Variants in ADGRL3 observed in about 807,000 individuals in gnomAD.
ADGRL3 encodes the protein adhesion G protein-coupled receptor L3.
A neutral mutation model predicts 153.5 loss-of-function variants in ADGRL3; 62 were observed. The ratio of observed to expected loss-of-function variants is 0.40; its 90% CI spans 0.33 to 0.50. ADGRL3 has a LOEUF of 0.50. ADGRL3 is among the 20% of genes least tolerant of loss of function. ADGRL3 has a pLI of 0.47. For missense variants in ADGRL3, 1,641 were observed against 1,859.4 expected (o/e 0.88, Z 2.16); for synonymous variants, 710 against 672.5 (o/e 1.06, Z -0.86).
At chr4:62,007,379 T>TAC (rs1362777225) in intron 21 of ADGRL3, among the ~76,000 whole-genome samples, 4 of 9,334 alleles carry the variant, frequency 4.3e-4, no homozygotes, top group African/African-American at 5.0e-4. Flanking sequence ...TATATATATA[T>TAC]ATATACACAC....
chr4:61,971,832 T>G (rs1278438736), intron 17 of ADGRL3, among the ~76,000 whole-genome samples: 1 of 152,190 alleles, frequency 6.6e-6, no homozygotes, highest in Non-Finnish European at 1.5e-5. Context: ...TTTCCTGACT[T>G]TTTAATGATC....
intron 5 of ADGRL3, among the ~76,000 whole-genome samples, chr4:61,610,422 A>C (rs914129555): frequency 2.6e-5 from 4 of 152,186 alleles, no homozygotes; most frequent in African/African-American, 9.6e-5. Context: ...ATGATAGATC[A>C]TCTTCTTCTG....
chr4:61,581,142 T>A (rs1393892704), intron 4 of ADGRL3, among the ~76,000 whole-genome samples: 1 of 152,014 alleles, frequency 6.6e-6, no homozygotes, highest in Non-Finnish European at 1.5e-5. Context: ...AGGTGCAGAA[T>A]AGACAGTACA....
At chr4:61,257,855 G>A (rs1427374877) in intron 1 of ADGRL3, among the ~76,000 whole-genome samples, 12 of 152,062 alleles carry the variant, frequency 7.9e-5, no homozygotes, top group Non-Finnish European at 4.4e-5. Flanking sequence ...GTGTGTGTGT[G>A]TGTGTGTCTG....
intron 2 of ADGRL3, among the ~76,000 whole-genome samples, chr4:61,478,126 A>C (rs906863020): frequency 6.6e-6 from 1 of 152,098 alleles, no homozygotes; most frequent in African/African-American, 2.4e-5. Flanking sequence ...TTTGGGACAG[A>C]ATCTTCCATA....
At chr4:61,287,617 A>G (rs1171007522) in intron 1 of ADGRL3, among the ~76,000 whole-genome samples, 1 of 151,956 alleles carries the variant, frequency 6.6e-6, no homozygotes. Flanking sequence ...GAAATGTAAA[A>G]TCTTTAAAAT....
chr4:61,867,515 C>CATATATATATATATATGTATAT (rs2098408314), intron 9 of ADGRL3, among the ~76,000 whole-genome samples: 2 of 81,140 alleles, frequency 2.5e-5, no homozygotes, highest in African/African-American at 8.2e-5. Flanking sequence ...AATATATATG[C>CATATATATATATATATGTATAT]ATATATATAT....
chr4:61,752,299 C>G (rs1479636242), intron 8 of ADGRL3, among the ~76,000 whole-genome samples: 2 of 152,082 alleles, frequency 1.3e-5, no homozygotes, highest in Admixed American at 1.3e-4. Flanking sequence ...AACTTCAGTG[C>G]TTTTACAATA....
rs923703931 is a variant in ADGRL3 at position 62,055,671 on chromosome 4, GT to G, written c.3814+11130del. ...AGGTGTCATGTAGATTCTATTCGTT[GT>G]TTTTTTTAATAAGTGACTTGGTATT... On this transcript the variant is annotated intron_variant, in intron 25 of 26. Coordinates refer to ENST00000683033, the MANE Select transcript of ADGRL3 (RefSeq NM_001387552.1). 6.6e-5 allele frequency among the ~76,000 whole-genome samples: 10 copies of G among 151,122 alleles called. No individual in the cohort carries two copies. The South Asian group carries it at 1.9e-3, about 28-fold the overall frequency.
intron 9 of ADGRL3, among the ~76,000 whole-genome samples, chr4:61,841,256 A>G (rs963572412): frequency 1.3e-5 from 2 of 152,204 alleles, no homozygotes; most frequent in African/African-American, 4.8e-5. Context: ...ATCCTTAGGC[A>G]TAACTGAAAA....
intron 5 of ADGRL3, among the ~76,000 whole-genome samples, chr4:61,623,032 C>T (rs1021827058): frequency 2.6e-5 from 4 of 151,864 alleles, no homozygotes; most frequent in African/African-American, 7.3e-5. Flanking sequence ...ATTAATAGAC[C>T]GATAAATAGA....
chr4:62,015,840 A>G (rs990099599), intron 21 of ADGRL3, among the ~76,000 whole-genome samples: 2 of 151,916 alleles, frequency 1.3e-5, no homozygotes, highest in African/African-American at 2.4e-5. Flanking sequence ...GCTATTACAA[A>G]TATCTTCTTC....
intron 8 of ADGRL3, among the ~76,000 whole-genome samples, chr4:61,754,499 A>G (rs2096796136): frequency 1.3e-5 from 2 of 152,058 alleles, no homozygotes; most frequent in Admixed American, 6.6e-5. Flanking sequence ...TTTAAAAATT[A>G]TAATATTCCT....
rs567173913 is a variant in ADGRL3, at chr4:61,369,691, C to T, written c.-239-13433C>T. Among the ~76,000 whole-genome samples, 4 of 152,178 alleles carry T rather than the reference C, an allele frequency of 2.6e-5. No homozygotes were observed. In the South Asian group the frequency reaches 8.3e-4, roughly 32 times the overall value. On this transcript the variant is annotated intron_variant, in intron 1 of 26. Transcript: ENST00000683033. ...ATCAAGGATATTGGTCTAAAGTTAT[C>T]CTTTTTGGTTGTGTCTCTGCCCGGT...
chr4:61,544,346 G>A (rs1226922937), intron 4 of ADGRL3, among the ~76,000 whole-genome samples: 1 of 152,120 alleles, frequency 6.6e-6, no homozygotes, highest in Non-Finnish European at 1.5e-5. Context: ...CTTTTCTTCA[G>A]TACCAATTAG....
rs182292507 is a variant in ADGRL3, at chr4:61,760,555, T to C, written c.1399+27001T>C. ...GACCCAATTTTCCAGGTGCTGTCTG[T>C]CACCCCTTTCTTTGACTAGGAAAGG... On this transcript the variant is annotated intron_variant, in intron 8 of 26. Coordinates refer to ENST00000683033, the MANE Select transcript of ADGRL3 (RefSeq NM_001387552.1). Among the ~76,000 whole-genome samples, 26 of 152,330 alleles carry C rather than the reference T, an allele frequency of 1.7e-4. No homozygotes were observed. In the East Asian group the frequency reaches 4.8e-3, roughly 28 times the overall value.
intron 13 of ADGRL3, among the ~76,000 whole-genome samples, chr4:61,913,724 C>T (rs985349340): frequency 1.3e-5 from 2 of 151,704 alleles, no homozygotes; most frequent in Non-Finnish European, 2.9e-5. Context: ...TATTCACATC[C>T]GCTATCCTCG....
At chr4:61,486,695 C>T (rs544191692) in intron 2 of ADGRL3, among the ~76,000 whole-genome samples, 6 of 152,306 alleles carry the variant, frequency 3.9e-5, no homozygotes, top group African/African-American at 1.2e-4. Context: ...AATACTCTTA[C>T]TGATTGAAAT....
intron 9 of ADGRL3, among the ~76,000 whole-genome samples, chr4:61,852,972 T>TAA (rs2098224833): frequency 1.3e-5 from 2 of 152,082 alleles, no homozygotes; most frequent in Admixed American, 1.3e-4. Flanking sequence ...TTCTTTTTGG[T>TAA]AGTTTATCCT....
Sources: allele counts gnomAD v4.1 joint callset (sites outside exome capture counted in the v4.1 genomes callset), GRCh38; gene constraint gnomAD v4.1.1; transcripts MANE v1.5; gene names NCBI Gene and HGNC (gene_info 2026-07-23, HGNC 2026-07-21).